ROR1: variants seen among roughly 807,000 people sequenced by gnomAD.
ROR1 encodes the protein inactive tyrosine-protein kinase transmembrane receptor ROR1.
ROR1 carries 19 observed loss-of-function variants against 78.8 expected under a neutral mutation model. The observed-to-expected ratio is 0.24, with a 90% CI of 0.17 to 0.35. The LOEUF (loss-of-function observed/expected upper bound fraction) is 0.35, where lower values mean the gene tolerates loss of function less well. ROR1 is among the 10% of genes least tolerant of loss of function. The probability of loss-of-function intolerance (pLI) is 1.00; values close to 1 mark genes in which losing one functional copy is unlikely to be tolerated. For missense variants in ROR1, 917 were observed against 1,177.8 expected (o/e 0.78, Z 3.24); for synonymous variants, 386 against 433.6 (o/e 0.89, Z 1.36).
At chr1:64,146,596 A>G (rs1649480442) in intron 7 of ROR1, among the ~76,000 whole-genome samples, 1 of 152,214 alleles carries the variant, frequency 6.6e-6, no homozygotes, top group Admixed American at 6.5e-5. Context: ...GAAGTAGGGA[A>G]GTAATTTGTC....
intron 7 of ROR1, among the ~76,000 whole-genome samples, chr1:64,148,460 G>A (rs893572476): frequency 6.6e-6 from 1 of 152,166 alleles, no homozygotes; most frequent in Non-Finnish European, 1.5e-5. Flanking sequence ...GAGTCTCATA[G>A]GAAAATTCCT....
intron 1 of ROR1, among the ~76,000 whole-genome samples, chr1:63,911,138 A>G (rs1006750435): frequency 2.6e-5 from 4 of 152,226 alleles, no homozygotes; most frequent in African/African-American, 9.6e-5. Flanking sequence ...TGTGGCCTCA[A>G]TTCTTTAACT....
intron 1 of ROR1, among the ~76,000 whole-genome samples, chr1:63,984,234 G>A (rs977798179): frequency 1.3e-5 from 2 of 152,132 alleles, no homozygotes; most frequent in African/African-American, 4.8e-5. Flanking sequence ...CTCCTGAAGC[G>A]TACCCAGACT....
At chr1:64,101,032 A>G (rs1185624239) in intron 4 of ROR1, among the ~76,000 whole-genome samples, 1 of 152,240 alleles carries the variant, frequency 6.6e-6, no homozygotes, top group East Asian at 1.9e-4. Context: ...TTACAAAAAT[A>G]AAAGGGATTT....
At chr1:63,983,215 G>A (rs750502914) in intron 1 of ROR1, among the ~76,000 whole-genome samples, 6 of 152,034 alleles carry the variant, frequency 3.9e-5, no homozygotes, top group Admixed American at 1.3e-4. Flanking sequence ...CTCCCCCTCC[G>A]CATTTTACAG....
chr1:63,856,375 G>A (rs78199999), intron 1 of ROR1, among the ~76,000 whole-genome samples: 2,082 of 152,258 alleles, frequency 0.014, 60 homozygotes, highest in African/African-American at 0.048. Flanking sequence ...TCCTCGTGGC[G>A]TGGGGAATCA....
At chr1:64,053,826 T>A (rs912488551) in intron 4 of ROR1, among the ~76,000 whole-genome samples, 5 of 152,264 alleles carry the variant, frequency 3.3e-5, no homozygotes, top group Non-Finnish European at 7.3e-5. Context: ...ATTAGTTCCA[T>A]AAAAATTTGT....
At chr1:64,050,818 C>G in intron 4 of ROR1, 102 bp downstream of exon 4, 1 of 1,132,452 alleles carries the variant, frequency 8.8e-7, no homozygotes, top group East Asian at 2.3e-5. Context: ...ATACTGGCTT[C>G]CAGATGTCAT....
chr1:63,974,078 G>A (rs1646139085), intron 1 of ROR1, among the ~76,000 whole-genome samples: 1 of 152,154 alleles, frequency 6.6e-6, no homozygotes, highest in South Asian at 2.1e-4. Context: ...TAAAAATAGT[G>A]AATCAATTTA....
intron 4 of ROR1, among the ~76,000 whole-genome samples, chr1:64,133,985 C>T (rs1649016702): frequency 6.6e-6 from 1 of 152,290 alleles, no homozygotes; most frequent in East Asian, 1.9e-4. Flanking sequence ...AAACCTTTTA[C>T]CACCCAGAAT....
At chr1:63,923,106 C>T (rs746392856) in intron 1 of ROR1, among the ~76,000 whole-genome samples, 14 of 152,138 alleles carry the variant, frequency 9.2e-5, no homozygotes, top group South Asian at 2.1e-4. Context: ...TAACCCTGGG[C>T]GACTGATGTA....
At chr1:63,817,947 A>C (rs12087482) in intron 1 of ROR1, among the ~76,000 whole-genome samples, 11,831 of 152,150 alleles carry the variant, frequency 0.078, 1,551 homozygotes, top group African/African-American at 0.27. Flanking sequence ...TACGGAACCC[A>C]CTGTAGTAAC....
At chr1:63,838,590 A>C (rs1569796011) in intron 1 of ROR1, among the ~76,000 whole-genome samples, 2 of 152,206 alleles carry the variant, frequency 1.3e-5, no homozygotes, top group East Asian at 3.8e-4. Context: ...GCATTATTAC[A>C]AAAGAGTCCA....
chr1:63,824,462 T>C (rs1276209298), intron 1 of ROR1, among the ~76,000 whole-genome samples: 1 of 152,208 alleles, frequency 6.6e-6, no homozygotes, highest in Non-Finnish European at 1.5e-5. Context: ...AAAACCATTC[T>C]TAAGTTTGTA....
intron 4 of ROR1, among the ~76,000 whole-genome samples, chr1:64,092,627 T>C (rs1647209260): frequency 1.3e-5 from 2 of 152,210 alleles, no homozygotes; most frequent in South Asian, 2.1e-4. Flanking sequence ...ACTTTTTGAA[T>C]GTATCCCATT....
At chr1:63,927,773 T>C (rs1308326943) in intron 1 of ROR1, among the ~76,000 whole-genome samples, 1 of 152,158 alleles carries the variant, frequency 6.6e-6, no homozygotes, top group Non-Finnish European at 1.5e-5. Context: ...TCCATTGCAA[T>C]CATGAGGAAT....
chr1:63,938,255 T>G (rs1215787429), intron 1 of ROR1, among the ~76,000 whole-genome samples: 1 of 152,204 alleles, frequency 6.6e-6, no homozygotes, highest in Admixed American at 6.5e-5. Context: ...TTATTAGGTA[T>G]TATAAGTAAT....
At position 64,173,555 on chromosome 1, in the gene ROR1, G is replaced by A. The variant is rs538322147; in HGVS notation, c.1387-3873G>A. Among the ~76,000 whole-genome samples, 12 of 152,308 alleles carry A rather than the reference G, an allele frequency of 7.9e-5. No homozygotes were observed. In the South Asian group the frequency reaches 1.7e-3, roughly 21 times the overall value. On this transcript the variant is annotated intron_variant, in intron 8 of 8. Transcript: ENST00000371079. ...TGGTTTCAAACAGAATGCTGGGGCC[G>A]AAAAACAGAGAGCCTTGGAGTTGCA...
intron 2 of ROR1, among the ~76,000 whole-genome samples, chr1:64,043,437 A>G (rs1408784189): frequency 3.3e-5 from 5 of 152,338 alleles, no homozygotes; most frequent in Non-Finnish European, 7.3e-5. Flanking sequence ...CAGAGAGGTC[A>G]TAAAATAACT....
Sources: gnomAD v4.1 joint callset for allele counts (sites outside exome capture counted in the v4.1 genomes callset) on GRCh38, gnomAD v4.1.1 for gene constraint, MANE v1.5 for transcripts, NCBI Gene and HGNC (gene_info 2026-07-23, HGNC 2026-07-21) for gene names.